TNPO3: variants seen among roughly 807,000 people sequenced by gnomAD.
TNPO3 encodes the protein transportin 3.
In TNPO3, 65 loss-of-function variants were observed where a neutral mutation model predicts 122.8. That is an observed-to-expected ratio of 0.53 (90% CI 0.43 to 0.65). TNPO3 has a LOEUF of 0.65. Among genes scored for constraint, TNPO3 ranks in the 30% least tolerant of loss-of-function variants. TNPO3 has a pLI of 0.00. For synonymous variants in TNPO3, 372 were observed against 411.2 expected, an observed-to-expected ratio of 0.90 and a Z score of 1.15; for missense variants, 850 against 1,136.7, an observed-to-expected ratio of 0.75 and a Z score of 3.63.
intron 1 of TNPO3, among the ~76,000 whole-genome samples, chr7:129,041,985 C>T (rs1807431842): frequency 6.6e-6 from 1 of 152,144 alleles, no homozygotes; most frequent in Non-Finnish European, 1.5e-5. Context: ...ACTAACATTT[C>T]TAAAACTGCC....
At chr7:128,990,769 C>T (rs1041407933) in intron 10 of TNPO3, among the ~76,000 whole-genome samples, 1 of 152,174 alleles carries the variant, frequency 6.6e-6, no homozygotes, top group Non-Finnish European at 1.5e-5. Flanking sequence ...CTCTGTCCCC[C>T]ACAAAATATA....
At chr7:128,988,138 C>T (rs1244956713) in intron 11 of TNPO3, among the ~76,000 whole-genome samples, 1 of 152,006 alleles carries the variant, frequency 6.6e-6, no homozygotes, top group Non-Finnish European at 1.5e-5. Context: ...CCAAGCCCAG[C>T]TAATTTTCCT....
chr7:128,983,846 A>G (rs1189384575), intron 13 of TNPO3, among the ~76,000 whole-genome samples: 2 of 152,170 alleles, frequency 1.3e-5, no homozygotes, highest in Non-Finnish European at 2.9e-5. Context: ...CCATAATCCC[A>G]CCACCTCAAG....
At chr7:129,040,717 C>T (rs1346704732) in intron 1 of TNPO3, among the ~76,000 whole-genome samples, 1 of 151,844 alleles carries the variant, frequency 6.6e-6, no homozygotes, top group Non-Finnish European at 1.5e-5. Context: ...ATGAATTTCT[C>T]AGGACAATGC....
In TNPO3 at chr7:128,979,093, T is replaced by C; in HGVS notation, c.1951A>G (p.Lys651Glu). The C allele has an allele frequency of 6.2e-7, 1 of 1,614,148 alleles. No homozygotes were observed. The highest frequency in any genetic ancestry group is 8.5e-7 in the Non-Finnish European group (1 of 1,180,002). ...IWPVLSETLNKHRADNRIVER... is the reference protein window; with the variant it reads ...IWPVLSETLNEHRADNRIVER... ...ACAATCCGATTATCAGCTCGGTGCT[T>C]ATTTAGAGTCTCGGATAAAACTGGC... Residue 651 changes from lysine to glutamate, a missense_variant, in exon 16 of 23, where the codon AAG becomes GAG. By Grantham distance (56) the Lys-to-Glu change is moderately conservative. Transcript: ENST00000265388.
In TNPO3 at chr7:129,001,045, A is replaced by C; in HGVS notation, c.872+14T>G. On this transcript the variant is annotated intron_variant, in intron 6 of 22. Transcript: ENST00000265388. ...TAGGTAAACCCAGGGCTCCAGACTT[A>C]AACAATTACTCACTTGTCTAAATCT... The C allele has an allele frequency of 6.2e-7, 1 of 1,612,460 alleles. No homozygotes were observed. The highest frequency in any genetic ancestry group is 2.2e-5 in the East Asian group (1 of 44,826).
chr7:128,990,022 G>A lies in TNPO3; in HGVS notation c.1437C>T (p.Tyr479=). 3 of 1,614,178 alleles carry A rather than the reference G, an allele frequency of 1.9e-6. No homozygotes were observed. The highest frequency in any genetic ancestry group is 2.5e-6 in the Non-Finnish European group (3 of 1,179,994). ...LPETVHTAVR[Y]TSIELVGEMS... ...TCTCTCCAACCAATTCAATGCTGGT[G>A]TATCGCACAGCCGTATGTACGGTCT... The change falls in exon 11 of 23, where the codon TAC becomes TAT. Residue 479 remains tyrosine (Y), a synonymous_variant. Transcript: ENST00000265388.
intron 5 of TNPO3, among the ~76,000 whole-genome samples, chr7:129,001,636 CTCTT>C (rs944311342): frequency 1.3e-5 from 2 of 151,724 alleles, no homozygotes; most frequent in African/African-American, 2.4e-5. Flanking sequence ...CAATTAGAGC[CTCTT>C]TCTTTCTTTC....
chr7:128,970,572 A>G (rs920031072), intron 19 of TNPO3, among the ~76,000 whole-genome samples: 2 of 152,162 alleles, frequency 1.3e-5, no homozygotes, highest in African/African-American at 4.8e-5. Context: ...ACAGAGATTA[A>G]TGCTTAGATT....
Position 128,986,943 on chromosome 7 carries a change from G to T in TNPO3, c.1499-23C>A, listed in dbSNP as rs778331318. 1.7e-5 allele frequency: 27 copies of T among 1,570,378 alleles called. 1 individual carries two copies. In the South Asian group the frequency reaches 3.2e-4, roughly 18 times the overall value. ...GGTCTAAGAAGAAAAGCCAAGCAGA[G>T]ATTACATATCTGAAACTAAAGGAAA... On this transcript the variant is annotated intron_variant, in intron 11 of 22. Transcript: ENST00000265388.
chr7:128,988,933 T>C (rs916973632), intron 11 of TNPO3, among the ~76,000 whole-genome samples: 28 of 151,892 alleles, frequency 1.8e-4, no homozygotes, highest in African/African-American at 6.5e-4. Flanking sequence ...ACAAAAATAG[T>C]GGGCATGGTG....
chr7:128,958,977 C>A (rs184657137), intron 21 of TNPO3, among the ~76,000 whole-genome samples: 15 of 152,172 alleles, frequency 9.9e-5, no homozygotes, highest in African/African-American at 2.9e-4. Context: ...GCACTCCAGG[C>A]TGGGCAACAG....
At position 128,972,550 on chromosome 7, in the gene TNPO3, C is replaced by T. The variant is rs772598470; in HGVS notation, c.2306G>A (p.Arg769Gln). Reference sequence around the variant, plus strand: ...TAAGATAGGGATGACCACTTGGCTCCGCAGCAAGGTGACAGGGCTACGCTG... The same window carrying T: ...TAAGATAGGGATGACCACTTGGCTCTGCAGCAAGGTGACAGGGCTACGCTG... ...FIQRSPVTLL[R>Q]SQVVIPILQW... Residue 769 changes from arginine to glutamine, a missense_variant, in exon 19 of 23, where the codon CGG becomes CAG. Transcript: ENST00000265388. The T allele has an allele frequency of 1.5e-5, 25 of 1,613,776 alleles. No individual in the cohort carries two copies. The highest frequency in any genetic ancestry group is 1.0e-4 in the Admixed American group (6 of 59,976).
chr7:129,047,355 A>AG (rs1292716809), intron 1 of TNPO3, among the ~76,000 whole-genome samples: 1 of 152,220 alleles, frequency 6.6e-6, no homozygotes, highest in Non-Finnish European at 1.5e-5. Flanking sequence ...TTTGGTTAGT[A>AG]GGGGTGGACA....
intron 9 of TNPO3, among the ~76,000 whole-genome samples, chr7:128,992,560 A>G (rs1800855422): frequency 6.6e-6 from 1 of 152,124 alleles, no homozygotes; most frequent in African/African-American, 2.4e-5. Context: ...CTATCACAAT[A>G]CTGTATCCAA....
At chr7:128,990,851 T>C (rs1237757839) in intron 10 of TNPO3, among the ~76,000 whole-genome samples, 1 of 152,190 alleles carries the variant, frequency 6.6e-6, no homozygotes, top group Admixed American at 6.5e-5. Context: ...AAATGAAAGA[T>C]GTTTAAAATG....
At chr7:128,973,864 C>CA (rs1383741941) in intron 18 of TNPO3, among the ~76,000 whole-genome samples, 30 of 85,490 alleles carry the variant, frequency 3.5e-4, no homozygotes, top group South Asian at 8.7e-4. Context: ...CAAAAACTAA[C>CA]AAAAAAAAAG....
intron 4 of TNPO3, among the ~76,000 whole-genome samples, chr7:129,012,118 G>A (rs1803285723): frequency 1.3e-5 from 2 of 148,182 alleles, no homozygotes; most frequent in Admixed American, 1.4e-4. Flanking sequence ...AGATTCTCCT[G>A]CCTCAGCCTC....
chr7:129,026,980 A>G (rs540040068), intron 1 of TNPO3, among the ~76,000 whole-genome samples: 1 of 151,666 alleles, frequency 6.6e-6, no homozygotes, highest in Non-Finnish European at 1.5e-5. Context: ...TTTTTTGTAG[A>G]GACAGGTCTT....
Sources: gnomAD v4.1 joint callset for allele counts (sites outside exome capture counted in the v4.1 genomes callset) on GRCh38, gnomAD v4.1.1 for gene constraint, MANE v1.5 for transcripts, NCBI Gene and HGNC (gene_info 2026-07-23, HGNC 2026-07-21) for gene names.